Variants in AUTS2 observed in about 807,000 individuals in gnomAD.
AUTS2 encodes autism susceptibility gene 2 protein.
Under a neutral mutation model 112.4 loss-of-function variants are expected in AUTS2, and 17 were observed. The observed-to-expected ratio is 0.15, with a 90% CI of 0.10 to 0.23. AUTS2 has a LOEUF of 0.23. Ranked by LOEUF, AUTS2 falls within the 10% of genes least tolerant of loss-of-function variation. AUTS2 has a pLI of 1.00. For synonymous variants in AUTS2, 751 were observed against 702.7 expected, an observed-to-expected ratio of 1.07 and a Z score of -1.09; for missense variants, 1,510 against 1,701.6, an observed-to-expected ratio of 0.89 and a Z score of 1.98.
chr7:70,598,476 G>T (rs1421587269), intron 5 of AUTS2, among the ~76,000 whole-genome samples: 1 of 152,156 alleles, frequency 6.6e-6, no homozygotes, highest in South Asian at 2.1e-4. Context: ...CAATTGCCAA[G>T]TTTCCTAACT....
chr7:69,897,705 C>T (rs913830084), intron 1 of AUTS2, among the ~76,000 whole-genome samples: 7 of 152,086 alleles, frequency 4.6e-5, no homozygotes, highest in African/African-American at 1.7e-4. Flanking sequence ...TACAGTGAGC[C>T]AAGGTCGTGC....
chr7:69,870,326 A>G (rs577792789), intron 1 of AUTS2, among the ~76,000 whole-genome samples: 3 of 151,496 alleles, frequency 2.0e-5, no homozygotes, highest in Admixed American at 6.6e-5. Flanking sequence ...TAAAGTAGAT[A>G]TTTAGGTTAA....
chr7:69,636,389 C>T (rs1424331457), intron 1 of AUTS2, among the ~76,000 whole-genome samples: 1 of 151,492 alleles, frequency 6.6e-6, no homozygotes, highest in African/African-American at 2.4e-5. Context: ...TGTGTGCCAC[C>T]ACACGTGGCT....
chr7:69,943,617 ATT>A (rs1212509332), intron 2 of AUTS2, among the ~76,000 whole-genome samples: 2 of 152,150 alleles, frequency 1.3e-5, no homozygotes, highest in South Asian at 2.1e-4. Context: ...TTTTCAGTGA[ATT>A]TGTCTTTCAT....
chr7:70,100,475 A>G (rs1245389238), intron 2 of AUTS2, among the ~76,000 whole-genome samples: 1 of 151,870 alleles, frequency 6.6e-6, no homozygotes. Flanking sequence ...CATGTGCACA[A>G]CATGCAAGTT....
chr7:70,447,203 G>C (rs955222171), intron 5 of AUTS2, among the ~76,000 whole-genome samples: 1 of 152,160 alleles, frequency 6.6e-6, no homozygotes, highest in Admixed American at 6.5e-5. Context: ...CATCAACCCA[G>C]TTAGAAATGT....
chr7:70,719,283 T>G lies in AUTS2; in HGVS notation c.742+20663T>G, dbSNP rs555130029. On this transcript the variant is annotated intron_variant, in intron 6 of 18. Transcript: ENST00000342771. ...CAGAGATTTCTAAATGTCTGCTCAATTAAAAGGAGTGTACACTGTAAACAA... is the reference window on the plus strand; with the variant it reads ...CAGAGATTTCTAAATGTCTGCTCAAGTAAAAGGAGTGTACACTGTAAACAA... Among the ~76,000 whole-genome samples the G allele has an allele frequency of 8.9e-4, 135 of 152,314 alleles. 1 individual carries two copies. Among genetic ancestry groups the G allele is most frequent in the Middle Eastern group, 3.4e-3 (1 of 294 alleles).
intron 1 of AUTS2, among the ~76,000 whole-genome samples, chr7:69,782,363 CTT>C (rs1233780853): frequency 4.1e-5 from 6 of 145,200 alleles, no homozygotes; most frequent in African/African-American, 1.2e-4. Context: ...ATCTCTCTCT[CTT>C]GTTTTTTTTT....
At chr7:70,735,936 A>C (rs533264286) in intron 6 of AUTS2, among the ~76,000 whole-genome samples, 1 of 152,154 alleles carries the variant, frequency 6.6e-6, no homozygotes, top group Non-Finnish European at 1.5e-5. Context: ...GATCAGTTGC[A>C]ATCAAAATCC....
At chr7:70,393,446 T>A (rs1385667686) in intron 4 of AUTS2, among the ~76,000 whole-genome samples, 30 of 152,060 alleles carry the variant, frequency 2.0e-4, no homozygotes, top group Admixed American at 3.9e-4. Context: ...ACACAGTATT[T>A]CACTGGATCT....
chr7:70,728,655 C>T (rs1787174365), intron 6 of AUTS2, among the ~76,000 whole-genome samples: 1 of 147,400 alleles, frequency 6.8e-6, no homozygotes, highest in African/African-American at 2.5e-5. Flanking sequence ...TTGCAGTGAG[C>T]CATGATTGTG....
chr7:70,655,476 A>T (rs1806720831), intron 5 of AUTS2, among the ~76,000 whole-genome samples: 1 of 152,192 alleles, frequency 6.6e-6, no homozygotes. Flanking sequence ...TCCCTCATGG[A>T]TGCAAGAAGG....
At chr7:70,062,521 A>G (rs1437615140) in intron 2 of AUTS2, among the ~76,000 whole-genome samples, 1 of 151,970 alleles carries the variant, frequency 6.6e-6, no homozygotes, top group Non-Finnish European at 1.5e-5. Context: ...TCAAAAAAAA[A>G]AAAAAAGGAA....
intron 1 of AUTS2, among the ~76,000 whole-genome samples, chr7:69,618,735 CAT>C (rs1459377200): frequency 6.6e-6 from 1 of 152,114 alleles, no homozygotes; most frequent in Non-Finnish European, 1.5e-5. Flanking sequence ...TAAAGCATAA[CAT>C]AGCCAACACC....
At chr7:69,930,453 C>T (rs1472162258) in intron 2 of AUTS2, among the ~76,000 whole-genome samples, 2 of 152,210 alleles carry the variant, frequency 1.3e-5, no homozygotes, top group Non-Finnish European at 2.9e-5. Context: ...CCTGGAAACT[C>T]TCCAGACAAT....
chr7:70,283,153 A>G (rs1481789739), intron 4 of AUTS2, among the ~76,000 whole-genome samples: 1 of 152,216 alleles, frequency 6.6e-6, no homozygotes, highest in African/African-American at 2.4e-5. Context: ...TGTATTGTCA[A>G]TGTGAGTGTT....
intron 1 of AUTS2, among the ~76,000 whole-genome samples, chr7:69,765,946 C>CA (rs1263683394): frequency 2.6e-5 from 4 of 151,674 alleles, no homozygotes; most frequent in African/African-American, 4.8e-5. Flanking sequence ...GACCCTGTCT[C>CA]AAAAAAAGAA....
At chr7:70,124,084 T>G (rs1805832783) in intron 3 of AUTS2, among the ~76,000 whole-genome samples, 1 of 152,220 alleles carries the variant, frequency 6.6e-6, no homozygotes, top group Non-Finnish European at 1.5e-5. Context: ...GGTTTTTGAT[T>G]TGCATTTCTC....
At chr7:70,030,094 C>A (rs1009440876) in intron 2 of AUTS2, among the ~76,000 whole-genome samples, 5 of 152,194 alleles carry the variant, frequency 3.3e-5, no homozygotes, top group African/African-American at 1.2e-4. Flanking sequence ...CACATTCTCA[C>A]ACTTCAAACC....
Sources: allele counts gnomAD v4.1 joint callset (sites outside exome capture counted in the v4.1 genomes callset), GRCh38; gene constraint gnomAD v4.1.1; transcripts MANE v1.5; gene names NCBI Gene and HGNC (gene_info 2026-07-23, HGNC 2026-07-21).